CPSF4L: variants seen among roughly 807,000 people sequenced by gnomAD.
The protein encoded by CPSF4L is putative cleavage and polyadenylation specificity factor subunit 4-like protein.
A neutral mutation model predicts 24.0 loss-of-function variants in CPSF4L; 18 were observed. That is an observed-to-expected ratio of 0.75 (90% CI 0.52 to 1.11). The LOEUF (loss-of-function observed/expected upper bound fraction) is 1.11, where lower values mean the gene tolerates loss of function less well. Ranked by LOEUF, CPSF4L falls within the 50% of genes least tolerant of loss-of-function variation. CPSF4L has a pLI of 0.00. For synonymous variants in CPSF4L, 72 were observed against 77.2 expected, an observed-to-expected ratio of 0.93 and a Z score of 0.35; for missense variants, 211 against 221.8, an observed-to-expected ratio of 0.95 and a Z score of 0.31.
downstream of CPSF4L, among the ~76,000 whole-genome samples, chr17:73,243,866 C>T (rs1208217918): frequency 6.6e-6 from 1 of 152,104 alleles, no homozygotes; most frequent in East Asian, 1.9e-4. Flanking sequence ...GCTAAAAGGT[C>T]AGGTACCTAA....
At chr17:73,251,126 A>G in intron 5 of CPSF4L, 1 of 1,526,330 alleles carries the variant, frequency 6.6e-7, no homozygotes, top group Non-Finnish European at 8.8e-7. Flanking sequence ...CAGTCGTGAG[A>G]AAACACCTAC....
chr17:73,250,670 AG>A (rs1036002010), intron 5 of CPSF4L, among the ~76,000 whole-genome samples: 4 of 152,208 alleles, frequency 2.6e-5, no homozygotes, highest in African/African-American at 9.6e-5. Flanking sequence ...AAAAGGAACC[AG>A]GTGATACGTT....
chr17:73,253,995 GAGGA>G lies in CPSF4L; in HGVS notation c.335_338del (p.Phe112SerfsTer3). 1.9e-6 allele frequency: 3 copies of G among 1,551,676 alleles called. No homozygotes were observed. Among genetic ancestry groups the G allele is most frequent in the Non-Finnish European group, 2.6e-6 (3 of 1,146,970 alleles). On this transcript the variant is annotated frameshift_variant, in exon 4 of 6. Transcript: ENST00000344935. LOFTEE classifies it high-confidence loss of function. ...GGGACTTGAAAGCTGGCTTCACATG[GAGGA>G]AGGAACACTCCTTGTTGCTGCAGTC...
At chr17:73,242,979 T>A in the CPSF4L span, 3 of 1,613,844 alleles carry the variant, frequency 1.9e-6, no homozygotes, top group South Asian at 3.3e-5. Context: ...CGTCCTGTGT[T>A]GTAGCTGGAG....
At chr17:73,263,717 G>T (rs1005621086), upstream of CPSF4L, among the ~76,000 whole-genome samples, 2 of 151,428 alleles carry the variant, frequency 1.3e-5, no homozygotes, top group Admixed American at 6.6e-5. Flanking sequence ...CCACCACAGG[G>T]CTCTGAGAAC....
chr17:73,247,459 T>C, downstream of CPSF4L: 2 of 972,256 alleles, frequency 2.1e-6, no homozygotes, highest in Non-Finnish European at 3.2e-6. Context: ...AGGGATAGCT[T>C]TTCAGCCCTC....
chr17:73,257,006 G>C, intron 3 of CPSF4L, among the ~76,000 whole-genome samples: 1 of 152,284 alleles, frequency 6.6e-6, no homozygotes, highest in Non-Finnish European at 1.5e-5. Flanking sequence ...CAGCCTGGGG[G>C]ACAGAGCAAG....
chr17:73,259,057 TTG>T (rs2062034831), intron 2 of CPSF4L, among the ~76,000 whole-genome samples: 1 of 151,994 alleles, frequency 6.6e-6, no homozygotes, highest in African/African-American at 2.4e-5. Flanking sequence ...ATTTATTTAT[TTG>T]AGACAGGATC....
In CPSF4L at chr17:73,261,841, C is replaced by T. The variant is rs1204633999; in HGVS notation, c.-23G>A. On this transcript the variant is annotated 5_prime_UTR_variant, in exon 1 of 6. Transcript: ENST00000344935. ...CATCTTCCGTCTCCTGCTGGGGCTG[C>T]GGAAGCTGCTGGAACCCAGGCAGGT... The T allele has an allele frequency of 7.1e-6, 11 of 1,539,668 alleles. No homozygotes were observed. The highest frequency in any genetic ancestry group is 1.4e-5 in the African/African-American group (1 of 72,846).
intron 4 of CPSF4L, among the ~76,000 whole-genome samples, chr17:73,253,374 G>T (rs991019497): frequency 6.6e-6 from 1 of 152,112 alleles, no homozygotes; most frequent in Non-Finnish European, 1.5e-5. Flanking sequence ...CAATCCTACT[G>T]ATCTTCTCAG....
intron 2 of CPSF4L, among the ~76,000 whole-genome samples, chr17:73,259,746 AGGT>A (rs2062038245): frequency 6.6e-6 from 1 of 152,220 alleles, no homozygotes; most frequent in African/African-American, 2.4e-5. Context: ...CAAACAAGGC[AGGT>A]GGGCGAACAT....
At chr17:73,247,391 C>T (rs2061967108), downstream of CPSF4L, 1 of 1,590,250 alleles carries the variant, frequency 6.3e-7, no homozygotes, top group Non-Finnish European at 8.6e-7. Context: ...CTAGTGCCTT[C>T]GTGCCCTGTG....
chr17:73,259,066 G>T (rs2062034894), intron 2 of CPSF4L, among the ~76,000 whole-genome samples: 1 of 151,996 alleles, frequency 6.6e-6, no homozygotes, highest in African/African-American at 2.4e-5. Flanking sequence ...TTTGAGACAG[G>T]ATCTTAGTCT....
intron 3 of CPSF4L, among the ~76,000 whole-genome samples, chr17:73,256,540 G>A (rs945573524): frequency 6.6e-6 from 1 of 152,204 alleles, no homozygotes; most frequent in Non-Finnish European, 1.5e-5. Context: ...CTCTCTCTTT[G>A]TAGGTCACTC....
intron 1 of CPSF4L, among the ~76,000 whole-genome samples, chr17:73,261,488 G>C (rs372341593): frequency 1.9e-3 from 293 of 152,160 alleles, no homozygotes; most frequent in South Asian, 0.013. Flanking sequence ...GGTGAAACCC[G>C]GTCTCTACTA....
chr17:73,257,639 C>A (rs554307703), intron 3 of CPSF4L, 42 bp downstream of exon 3: 1 of 1,544,988 alleles, frequency 6.5e-7, no homozygotes, highest in Non-Finnish European at 8.8e-7. Context: ...GCCCACACTG[C>A]CACCCTCCAG....
Position 73,260,977 on chromosome 17 carries a change from G to A in CPSF4L, c.110C>T (p.Ala37Val), listed in dbSNP as rs1445849109. Residue 37 changes from alanine (A) to valine (V), a missense_variant, in exon 2 of 6, where the codon GCC becomes GTC. Transcript: ENST00000344935. ...LLPFQGMDKS[A>V]SAVCNFFTKG... Reference sequence around the variant, plus strand: ...AGTGAAGAAGTTGCACACAGCTGAGGCCGACTCTGGAAGGAGAAGAGGGAA... The same window carrying A: ...AGTGAAGAAGTTGCACACAGCTGAGACCGACTCTGGAAGGAGAAGAGGGAA... 6 of 1,550,188 alleles carry A rather than the reference G, an allele frequency of 3.9e-6. No individual in the cohort carries two copies. Among genetic ancestry groups the A allele is most frequent in the Non-Finnish European group, 4.4e-6 (5 of 1,146,082 alleles).
At chr17:73,244,287 G>C (rs1022566666), downstream of CPSF4L, among the ~76,000 whole-genome samples, 4 of 152,184 alleles carry the variant, frequency 2.6e-5, no homozygotes, top group African/African-American at 9.6e-5. Context: ...TTGGGGCCGG[G>C]CGCGGTGGCT....
chr17:73,250,328 A>G (rs2061999904), intron 5 of CPSF4L: 6 of 1,550,224 alleles, frequency 3.9e-6, no homozygotes, highest in Admixed American at 2.0e-5. Flanking sequence ...AGTGAATGGC[A>G]TGACTTTTTG....
Sources: gnomAD v4.1 joint callset for allele counts (sites outside exome capture counted in the v4.1 genomes callset) on GRCh38, gnomAD v4.1.1 for gene constraint, MANE v1.5 for transcripts, NCBI Gene and HGNC (gene_info 2026-07-23, HGNC 2026-07-21) for gene names.